Variants in AGT observed in about 807,000 individuals in gnomAD.
AGT encodes angiotensinogen, also known as alpha-1 antiproteinase, antitrypsin.
Under a neutral mutation model 28.1 loss-of-function variants are expected in AGT, and 26 were observed. That is an observed-to-expected ratio of 0.92 (90% confidence interval 0.68 to 1.28). AGT has a LOEUF of 1.28. Among genes scored for constraint, AGT ranks in the 50% most tolerant of loss-of-function variants. The pLI, the probability that AGT is intolerant of heterozygous loss-of-function variation, is 0.00. For synonymous variants in AGT, 259 were observed against 259.6 expected (o/e 1.00, Z 0.02); for missense variants, 596 against 592.3 (o/e 1.01, Z -0.06).
At chr1:230,709,741 A>G (rs1006282262) in intron 2 of AGT, among the ~76,000 whole-genome samples, 4 of 152,198 alleles carry the variant, frequency 2.6e-5, no homozygotes, top group African/African-American at 9.7e-5. Flanking sequence ...CCTCTTCACC[A>G]CATCATAAGG....
intron 1 of AGT, among the ~76,000 whole-genome samples, chr1:230,719,967 C>T (rs1663812688): frequency 6.6e-6 from 1 of 152,092 alleles, no homozygotes; most frequent in South Asian, 2.1e-4. Flanking sequence ...GGGTCAAGCT[C>T]AAACCTGTCT....
chr1:230,720,033 G>C (rs1663813690), intron 1 of AGT, among the ~76,000 whole-genome samples: 1 of 152,134 alleles, frequency 6.6e-6, no homozygotes, highest in South Asian at 2.1e-4. Context: ...TTAGGGGGTG[G>C]ATATTGGGAT....
intron 1 of AGT, among the ~76,000 whole-genome samples, chr1:230,734,706 T>C (rs781177504): frequency 3.0e-4 from 46 of 151,520 alleles, no homozygotes; most frequent in Non-Finnish European, 3.7e-4. Flanking sequence ...AACTGGCTGG[T>C]TTTTTTGTTT....
At chr1:230,712,808 G>C (rs1663634800) in intron 1 of AGT, among the ~76,000 whole-genome samples, 1 of 152,190 alleles carries the variant, frequency 6.6e-6, no homozygotes, top group African/African-American at 2.4e-5. Context: ...CGCGTCCTGG[G>C]AGTAATGGTG....
intron 1 of AGT, among the ~76,000 whole-genome samples, chr1:230,743,702 T>C (rs1265254280): frequency 6.6e-6 from 1 of 152,238 alleles, no homozygotes; most frequent in Non-Finnish European, 1.5e-5. Flanking sequence ...ACCCAGGCCC[T>C]GCTGTAAGGC....
chr1:230,720,103 T>C (rs1663814432), intron 1 of AGT, among the ~76,000 whole-genome samples: 1 of 152,124 alleles, frequency 6.6e-6, no homozygotes, highest in Non-Finnish European at 1.5e-5. Flanking sequence ...TGCACAGTTA[T>C]CTCTTCATGT....
intron 1 of AGT, among the ~76,000 whole-genome samples, chr1:230,739,282 G>A (rs908263944): frequency 1.3e-4 from 19 of 151,680 alleles, no homozygotes; most frequent in African/African-American, 4.1e-4. Context: ...TGGAGCCCAG[G>A]AGTTGGAAGC....
chr1:230,718,722 C>CTTTTTTTTTTTTTTTTTTTTTTT (rs1228887131), upstream of AGT, among the ~76,000 whole-genome samples: 2 of 118,496 alleles, frequency 1.7e-5, no homozygotes, highest in African/African-American at 6.9e-5. Flanking sequence ...TTCCACACCG[C>CTTTTTTTTTTTTTTTTTTTTTTT]TTTTTTTTTT....
chr1:230,725,152 T>C (rs1051015837), intron 1 of AGT, among the ~76,000 whole-genome samples: 1 of 152,236 alleles, frequency 6.6e-6, no homozygotes, highest in African/African-American at 2.4e-5. Flanking sequence ...TAAAAATTGA[T>C]TAAGGGATTA....
At chr1:230,718,774 G>A (rs1241989429), upstream of AGT, among the ~76,000 whole-genome samples, 2 of 142,216 alleles carry the variant, frequency 1.4e-5, no homozygotes, top group African/African-American at 5.4e-5. Flanking sequence ...CACCCAGGCT[G>A]GAGTGCAGTG....
intron 1 of AGT, among the ~76,000 whole-genome samples, chr1:230,738,854 A>T (rs1664195571): frequency 6.6e-6 from 1 of 152,202 alleles, no homozygotes; most frequent in Non-Finnish European, 1.5e-5. Context: ...AGATATTTTA[A>T]ATTAAATTAT....
Position 230,706,050 on chromosome 1 carries a change from A to T in AGT, c.980T>A (p.Phe327Tyr). The T allele has an allele frequency of 6.2e-7, 1 of 1,614,152 alleles. No homozygotes were observed. The highest frequency in any genetic ancestry group is 1.3e-5 in the African/African-American group (1 of 75,044). Residue 327 changes from phenylalanine to tyrosine, a missense_variant, in exon 3 of 5, where the codon TTC becomes TAC. Phe to Tyr is a conservative substitution (Grantham distance 22). Transcript: ENST00000366667. ...CAGCAGCAGGCAGGCGCTCTCAGTG[A>T]AGGGCACTTGAGTCACCGAGAAGTT... is the stretch of plus-strand genomic sequence containing the variant. ...QDNFSVTQVPFTESACLLLIQ... is the reference protein window; with the variant it reads ...QDNFSVTQVPYTESACLLLIQ...
At chr1:230,706,370 G>A (rs1359068652) in intron 2 of AGT, among the ~76,000 whole-genome samples, 170 bp from the exon 3 acceptor site, 1 of 152,138 alleles carries the variant, frequency 6.6e-6, no homozygotes. Flanking sequence ...CGCAAGTGTG[G>A]CTCAAATATT....
In AGT at chr1:230,710,288, T is replaced by C. The variant is rs367753353; in HGVS notation, c.536A>G (p.Gln179Arg). The change falls in exon 2 of 5, where the codon CAG becomes CGG. Residue 179 changes from glutamine (Q) to arginine (R), a missense_variant. Coordinates refer to ENST00000366667, the MANE Select transcript of AGT (RefSeq NM_001384479.1). ...CCTGCCCTGGGCCACTAGCAGGCCC[T>C]GTACAGCCTGCAGGGCAGACAGGAC... ...HKVLSALQAV[Q>R]GLLVAQGRAD... The C allele has an allele frequency of 1.3e-5, 21 of 1,613,928 alleles. No individual in the cohort carries two copies. Among genetic ancestry groups the C allele is most frequent in the Non-Finnish European group, 1.7e-5 (20 of 1,180,018 alleles).
chr1:230,723,472 A>T (rs372975199), intron 1 of AGT, among the ~76,000 whole-genome samples: 1 of 152,272 alleles, frequency 6.6e-6, no homozygotes, highest in South Asian at 2.1e-4. Flanking sequence ...CCCTCTTTGT[A>T]ATAGGCTTTG....
chr1:230,745,572 G>C (rs942442490), exon 1 of AGT, among the ~76,000 whole-genome samples: 1 of 152,174 alleles, frequency 6.6e-6, no homozygotes, highest in African/African-American at 2.4e-5. Context: ...GCCTGGTGAG[G>C]GTCTACTTTC....
chr1:230,733,886 T>C (rs1220348901), intron 1 of AGT, among the ~76,000 whole-genome samples: 1 of 152,018 alleles, frequency 6.6e-6, no homozygotes, highest in African/African-American at 2.4e-5. Flanking sequence ...CCATTTCATG[T>C]TCTTGTTCTG....
Position 230,704,172 on chromosome 1 carries a change from CA to C in AGT, c.1242+20del. ...GCACACTTGGAACCCAGGTCAGGCA[CA>C]GACACAGGCTCACACATACCTCCCC... On this transcript the variant is annotated intron_variant, in intron 4 of 4. Coordinates refer to ENST00000366667, the MANE Select transcript of AGT (RefSeq NM_001384479.1). The C allele has an allele frequency of 6.2e-7, 1 of 1,614,246 alleles. No homozygotes were observed. Among genetic ancestry groups the C allele is most frequent in the Non-Finnish European group, 8.5e-7 (1 of 1,180,040 alleles).
chr1:230,718,698 A>G (rs1420647843), upstream of AGT, among the ~76,000 whole-genome samples: 1 of 149,092 alleles, frequency 6.7e-6, no homozygotes, highest in African/African-American at 2.5e-5. Context: ...TCCATGTTGT[A>G]GCAAGCGGCA....
Sources: gnomAD v4.1 joint callset for allele counts (sites outside exome capture counted in the v4.1 genomes callset) on GRCh38, gnomAD v4.1.1 for gene constraint, MANE v1.5 for transcripts, NCBI Gene and HGNC (gene_info 2026-07-23, HGNC 2026-07-21) for gene names.